MYO1E: variants seen among roughly 807,000 people sequenced by gnomAD.
MYO1E encodes the protein myosin IE, also known as unconventional myosin-Ie.
In MYO1E, 68 loss-of-function variants were observed where a neutral mutation model predicts 151.1. That is an observed-to-expected ratio of 0.45 (90% CI 0.37 to 0.55). The LOEUF is 0.55. Among genes scored for constraint, MYO1E ranks in the 20% least tolerant of loss-of-function variants. The pLI is 0.00. For synonymous variants in MYO1E, 601 were observed against 501.7 expected, an observed-to-expected ratio of 1.20 and a Z score of -2.64; for missense variants, 1,363 against 1,389.3, an observed-to-expected ratio of 0.98 and a Z score of 0.30.
chr15:59,331,038 G>A (rs1449050641), intron 1 of MYO1E, among the ~76,000 whole-genome samples: 1 of 152,136 alleles, frequency 6.6e-6, no homozygotes, highest in East Asian at 1.9e-4. Context: ...CCACAGTGCT[G>A]AGATTACAGG....
At chr15:59,315,549 T>TA (rs201744878) in intron 1 of MYO1E, among the ~76,000 whole-genome samples, 4,276 of 128,786 alleles carry the variant, frequency 0.033, 170 homozygotes, top group African/African-American at 0.1. Flanking sequence ...AACTAAAAAT[T>TA]AAAAAAAAAA....
intron 1 of MYO1E, among the ~76,000 whole-genome samples, chr15:59,294,360 T>G (rs1458240945): frequency 6.6e-6 from 1 of 152,154 alleles, no homozygotes; most frequent in Non-Finnish European, 1.5e-5. Flanking sequence ...CTGTATAAAA[T>G]TTTTGATAAA....
intron 1 of MYO1E, among the ~76,000 whole-genome samples, chr15:59,367,681 C>T (rs546618314): frequency 2.0e-5 from 3 of 152,276 alleles, no homozygotes; most frequent in Non-Finnish European, 1.5e-5. Flanking sequence ...ATGCAGTGAA[C>T]GTTTAGACAT....
chr15:59,271,441 G>C (rs1483641043), intron 2 of MYO1E, among the ~76,000 whole-genome samples: 3 of 152,256 alleles, frequency 2.0e-5, no homozygotes, highest in East Asian at 1.9e-4. Context: ...ATATAGATTT[G>C]ACACAGAGTT....
intron 22 of MYO1E, among the ~76,000 whole-genome samples, chr15:59,165,914 G>A (rs1159555126): frequency 6.6e-6 from 1 of 152,238 alleles, no homozygotes; most frequent in African/African-American, 2.4e-5. Flanking sequence ...TCTTTGGCAT[G>A]TCTGGTCATG....
At chr15:59,204,987 C>T (rs1281969425) in intron 15 of MYO1E, among the ~76,000 whole-genome samples, 2 of 152,004 alleles carry the variant, frequency 1.3e-5, no homozygotes, top group Non-Finnish European at 2.9e-5. Flanking sequence ...GTAGATGGCA[C>T]TTGGAATTTG....
chr15:59,331,042 T>C (rs1311436856), intron 1 of MYO1E, among the ~76,000 whole-genome samples: 2 of 152,124 alleles, frequency 1.3e-5, no homozygotes, highest in African/African-American at 4.8e-5. Context: ...AGTGCTGAGA[T>C]TACAGGTGTG....
intron 5 of MYO1E, among the ~76,000 whole-genome samples, 156 bp downstream of exon 5, chr15:59,236,429 T>C (rs368620128): frequency 6.5e-5 from 9 of 138,574 alleles, no homozygotes; most frequent in African/African-American, 2.4e-4. Context: ...CAAACACACA[T>C]ACATATGCTA....
At chr15:59,352,967 A>G (rs1371308986) in intron 1 of MYO1E, among the ~76,000 whole-genome samples, 1 of 152,192 alleles carries the variant, frequency 6.6e-6, no homozygotes, top group Non-Finnish European at 1.5e-5. Context: ...GATCGACCAC[A>G]TGATTTCCTA....
Position 59,261,501 on chromosome 15 carries a change from T to A in MYO1E, c.156A>T (p.Ile52=), listed in dbSNP as rs754438769. ...GGTTGACTGAGATTAATACAGATCCTATATATGTCTGAATTTAACTCAGTT... is the reference window on the plus strand; with the variant it reads ...GGTTGACTGAGATTAATACAGATCCAATATATGTCTGAATTTAACTCAGTT... ...RYMDDYIFTY[I]GSVLISVNPF... Residue 52 remains isoleucine, a synonymous_variant, in exon 3 of 28, where the codon ATA becomes ATT. Transcript: ENST00000288235. 6.3e-7 allele frequency: 1 copy of A among 1,594,986 alleles called. No homozygotes were observed. Among genetic ancestry groups the A allele is most frequent in the South Asian group, 1.1e-5 (1 of 90,702 alleles).
At chr15:59,331,933 A>T (rs138159300) in intron 1 of MYO1E, among the ~76,000 whole-genome samples, 6 of 152,328 alleles carry the variant, frequency 3.9e-5, no homozygotes, top group African/African-American at 1.4e-4. Flanking sequence ...AAGAGATGAA[A>T]GGAAACAAAG....
chr15:59,195,561 C>A lies in MYO1E; in HGVS notation c.1705G>T (p.Ala569Ser). 1.9e-6 allele frequency: 3 copies of A among 1,613,150 alleles called. No homozygotes were observed. The highest frequency in any genetic ancestry group is 2.5e-6 in the Non-Finnish European group (3 of 1,179,108). Residue 569 changes from alanine (A) to serine (S), a missense_variant, in exon 17 of 28, where the codon GCC (alanine) becomes TCC (serine). Transcript: ENST00000288235. ...ATCAGGGTGCTCACAAGGTCATTGG[C>A]TTGTTTCTAGAAAGGAAGAACAGTA... The part of the protein sequence containing the change: ...TTAGSKIKKQ[A>S]NDLVSTLMKC...
intron 1 of MYO1E, among the ~76,000 whole-genome samples, chr15:59,319,550 CTTTTTTTTTT>C (rs59491381): frequency 2.9e-3 from 184 of 63,704 alleles, no homozygotes; most frequent in Admixed American, 5.2e-3. Flanking sequence ...GTCAAACTAC[CTTTTTTTTTT>C]TTTTTTTTTT....
intron 3 of MYO1E, among the ~76,000 whole-genome samples, chr15:59,258,498 GCAGAAAA>G (rs1352969042): frequency 6.6e-6 from 1 of 152,240 alleles, no homozygotes; most frequent in Non-Finnish European, 1.5e-5. Context: ...TCAGTGACTG[GCAGAAAA>G]GTAGGTTATA....
intron 1 of MYO1E, among the ~76,000 whole-genome samples, chr15:59,345,086 G>A (rs1229651332): frequency 6.6e-6 from 1 of 152,052 alleles, no homozygotes; most frequent in African/African-American, 2.4e-5. Flanking sequence ...TGACCAATCG[G>A]GTAGACAGAA....
chr15:59,263,938 G>A (rs150988852), intron 2 of MYO1E, among the ~76,000 whole-genome samples: 5 of 152,190 alleles, frequency 3.3e-5, no homozygotes, highest in East Asian at 1.9e-4. Context: ...CAGGTAAGAC[G>A]TCCATGATGC....
rs79077464 is a variant in MYO1E at position 59,284,972 on chromosome 15, C to A, written c.4-12523G>T. 1.6e-3 allele frequency among the ~76,000 whole-genome samples: 240 copies of A among 152,272 alleles called. 1 individual carries two copies. The highest frequency in any genetic ancestry group is 5.6e-3 in the African/African-American group (234 of 41,558). On this transcript the variant is annotated intron_variant, in intron 1 of 27. Coordinates refer to ENST00000288235, the MANE Select transcript of MYO1E (RefSeq NM_004998.4). ...AAGAGAGTCACACTGATGTTAGTCC[C>A]TGTCTTTTCAGCTGTGGCTCTGCTA...
rs1183394888 is a variant in MYO1E at position 59,195,665 on chromosome 15, T to C, written c.1699-98A>G. 8 of 1,131,392 alleles carry C rather than the reference T, an allele frequency of 7.1e-6. No homozygotes were observed. In the Admixed American group the frequency reaches 1.0e-4, roughly 15 times the overall value. The allele number at this position is 1,131,392 out of a possible 1,614,324, so 70.1% of individuals were successfully genotyped here. On this transcript the variant is annotated intron_variant, in intron 16 of 27. Coordinates refer to ENST00000288235, the MANE Select transcript of MYO1E (RefSeq NM_004998.4). ...AAACTCTCTTGTAGAAATACATAGC[T>C]AGGAATTAATCTTCATGACAATTTG...
intron 1 of MYO1E, among the ~76,000 whole-genome samples, chr15:59,279,794 A>C (rs2080342495): frequency 6.6e-6 from 1 of 152,238 alleles, no homozygotes; most frequent in Non-Finnish European, 1.5e-5. Flanking sequence ...ATAACAAGGG[A>C]TGGTAAGGAG....
Sources: allele counts gnomAD v4.1 joint callset (sites outside exome capture counted in the v4.1 genomes callset), GRCh38; gene constraint gnomAD v4.1.1; transcripts MANE v1.5; gene names NCBI Gene and HGNC (gene_info 2026-07-23, HGNC 2026-07-21).